The following RBFOX1 variants were observed in gnomAD, a reference collection of about 807,000 sequenced individuals.
RBFOX1 encodes the protein RNA binding fox-1 homolog 1.
RBFOX1 carries 8 observed loss-of-function variants against 57.7 expected under a neutral mutation model. The observed-to-expected ratio is 0.14, with a 90% confidence interval of 0.08 to 0.25. The LOEUF (loss-of-function observed/expected upper bound fraction) is 0.25, where lower values mean the gene tolerates loss of function less well. RBFOX1 is among the 10% of genes least tolerant of loss of function. RBFOX1 has a pLI of 1.00. For missense variants in RBFOX1, 611 were observed against 548.5 expected (o/e 1.11, Z -1.14); for synonymous variants, 326 against 222.4 (o/e 1.47, Z -4.15).
intron 1 of RBFOX1, among the ~76,000 whole-genome samples, chr16:5,361,441 C>T (rs578218960): frequency 6.6e-6 from 1 of 152,130 alleles, no homozygotes; most frequent in Admixed American, 6.5e-5. Flanking sequence ...TTTTATTTCT[C>T]TTGTAAAAGA....
At chr16:6,889,854 T>C (rs1461151332) in intron 3 of RBFOX1, among the ~76,000 whole-genome samples, 2 of 152,218 alleles carry the variant, frequency 1.3e-5, no homozygotes, top group African/African-American at 4.8e-5. Context: ...CAAGATTGAA[T>C]CATAGGGTGG....
At chr16:7,577,484 C>G (rs1281518450) in intron 5 of RBFOX1, among the ~76,000 whole-genome samples, 4 of 152,230 alleles carry the variant, frequency 2.6e-5, no homozygotes, top group African/African-American at 7.2e-5. Flanking sequence ...CACCTCTTCT[C>G]TTAGACATCT....
rs117461988 is a variant in RBFOX1, at chr16:6,125,460, T to A, written c.-127+105468T>A. On this transcript the variant is annotated intron_variant, in intron 1 of 15. Transcript: ENST00000550418. Reference sequence around the variant, plus strand: ...GGTACATGGCTAGGCCTTCCAAGAGTCAGCCTCATACACATTTGCTCTTTG... The same window carrying A: ...GGTACATGGCTAGGCCTTCCAAGAGACAGCCTCATACACATTTGCTCTTTG... Among the ~76,000 whole-genome samples, 122 of 152,170 alleles carry A rather than the reference T, an allele frequency of 8.0e-4. 1 individual carries two copies. In the East Asian group the frequency reaches 0.022, roughly 27 times the overall value.
At chr16:6,153,142 C>G (rs2096811446) in intron 1 of RBFOX1, among the ~76,000 whole-genome samples, 1 of 149,724 alleles carries the variant, frequency 6.7e-6, no homozygotes, top group South Asian at 2.1e-4. Flanking sequence ...ACTCCTGAGA[C>G]TTTGGTGTAC....
At chr16:7,495,096 C>A (rs758000524) in intron 4 of RBFOX1, among the ~76,000 whole-genome samples, 1 of 152,104 alleles carries the variant, frequency 6.6e-6, no homozygotes, top group South Asian at 2.1e-4. Context: ...TGCATTAATT[C>A]AGTTAAGATA....
intron 1 of RBFOX1, among the ~76,000 whole-genome samples, chr16:6,199,579 T>C (rs1465728313): frequency 1.3e-5 from 2 of 152,218 alleles, no homozygotes; most frequent in African/African-American, 4.8e-5. Context: ...CCAAAGGTCT[T>C]TAATCTGTTT....
intron 4 of RBFOX1, among the ~76,000 whole-genome samples, chr16:7,455,948 C>T (rs1445898807): frequency 6.6e-6 from 1 of 151,924 alleles, no homozygotes; most frequent in African/African-American, 2.4e-5. Flanking sequence ...TATTAATGTC[C>T]CCTGTTTGGA....
intron 3 of RBFOX1, among the ~76,000 whole-genome samples, chr16:7,048,830 G>A (rs2153723918): frequency 6.6e-6 from 1 of 152,198 alleles, no homozygotes; most frequent in Non-Finnish European, 1.5e-5. Context: ...GAGACTCTAG[G>A]TCTTGTTTAA....
At chr16:7,242,273 A>C (rs2094106113) in intron 4 of RBFOX1, among the ~76,000 whole-genome samples, 1 of 152,204 alleles carries the variant, frequency 6.6e-6, no homozygotes, top group Non-Finnish European at 1.5e-5. Context: ...ACAGGGTTGC[A>C]TGTAAATGTC....
chr16:7,031,503 G>C (rs1349905579), intron 3 of RBFOX1, among the ~76,000 whole-genome samples: 1 of 151,958 alleles, frequency 6.6e-6, no homozygotes, highest in Non-Finnish European at 1.5e-5. Context: ...GGCTGAGGCA[G>C]GAGAATCACT....
chr16:6,065,011 T>TTTTC (rs533759033), intron 1 of RBFOX1, among the ~76,000 whole-genome samples: 114 of 151,836 alleles, frequency 7.5e-4, no homozygotes, highest in African/African-American at 2.2e-3. Context: ...TATATATTTC[T>TTTTC]TTTCTTTCTT....
At chr16:7,519,100 C>A (rs969114138) in intron 5 of RBFOX1, among the ~76,000 whole-genome samples, 1 of 152,144 alleles carries the variant, frequency 6.6e-6, no homozygotes, top group African/African-American at 2.4e-5. Context: ...GTGTACAGTT[C>A]ACTGATTTTT....
intron 11 of RBFOX1, among the ~76,000 whole-genome samples, chr16:7,636,936 A>T (rs1385523796): frequency 1.3e-5 from 2 of 152,088 alleles, no homozygotes; most frequent in Admixed American, 1.3e-4. Context: ...ACCTCATCTA[A>T]ACCTAATTAC....
chr16:5,301,995 C>T, intron 1 of RBFOX1, among the ~76,000 whole-genome samples: 1 of 151,876 alleles, frequency 6.6e-6, no homozygotes, highest in South Asian at 2.1e-4. Context: ...CTTTAAGCTT[C>T]ATTTGCTCCT....
intron 5 of RBFOX1, among the ~76,000 whole-genome samples, chr16:7,551,975 A>G (rs1374471235): frequency 6.6e-6 from 1 of 152,198 alleles, no homozygotes; most frequent in Admixed American, 6.5e-5. Flanking sequence ...AGCATGTGCA[A>G]AGGCCGTGTG....
chr16:7,062,892 CATTTTTTTTTTTTTTTTTTTTTT>C (rs1202719731), intron 4 of RBFOX1, among the ~76,000 whole-genome samples: 4 of 59,932 alleles, frequency 6.7e-5, no homozygotes, highest in East Asian at 6.6e-4. Context: ...AAATGATCGC[CATTTTTTTTTTTTTTTTTTTTTT>C]TTTTTTTTTT....
At chr16:7,410,552 G>T (rs533930530) in intron 4 of RBFOX1, among the ~76,000 whole-genome samples, 1 of 152,128 alleles carries the variant, frequency 6.6e-6, no homozygotes, top group Non-Finnish European at 1.5e-5. Context: ...GTGGTGGTGC[G>T]TGCCTGTAAT....
intron 2 of RBFOX1, among the ~76,000 whole-genome samples, chr16:6,651,828 G>A (rs1480727096): frequency 6.6e-6 from 1 of 152,152 alleles, no homozygotes; most frequent in Non-Finnish European, 1.5e-5. Context: ...CACAGATGGC[G>A]CTTATGAATG....
chr16:5,288,648 A>G (rs1291016314), intron 1 of RBFOX1, among the ~76,000 whole-genome samples: 1 of 148,074 alleles, frequency 6.8e-6, no homozygotes, highest in African/African-American at 2.5e-5. Context: ...TTTTTTAACT[A>G]AAAGAGTTGA....
Sources: gnomAD v4.1 joint callset for allele counts (sites outside exome capture counted in the v4.1 genomes callset) on GRCh38, gnomAD v4.1.1 for gene constraint, MANE v1.5 for transcripts, NCBI Gene and HGNC (gene_info 2026-07-23, HGNC 2026-07-21) for gene names.